Variants in GLIS1 observed in about 807,000 individuals in gnomAD.
GLIS1 encodes the protein GLIS family zinc finger 1.
GLIS1 carries 24 observed loss-of-function variants against 63.8 expected under a neutral mutation model. That is an observed-to-expected ratio of 0.38 (90% confidence interval 0.27 to 0.53). The LOEUF is 0.53. Among genes scored for constraint, GLIS1 ranks in the 20% least tolerant of loss-of-function variants. The pLI is 0.85. For synonymous variants in GLIS1, 450 were observed against 482.5 expected, an observed-to-expected ratio of 0.93 and a Z score of 0.88; for missense variants, 1,036 against 1,074.1, an observed-to-expected ratio of 0.96 and a Z score of 0.50.
intron 4 of GLIS1, among the ~76,000 whole-genome samples, chr1:53,554,614 G>C (rs1344952152): frequency 3.9e-5 from 6 of 152,130 alleles, no homozygotes; most frequent in Admixed American, 3.9e-4. Context: ...ACTCAGGTTG[G>C]AGCCCTGAGT....
intron 2 of GLIS1, among the ~76,000 whole-genome samples, chr1:53,608,900 C>G (rs760417931): frequency 6.6e-6 from 1 of 152,178 alleles, no homozygotes; most frequent in African/African-American, 2.4e-5. Flanking sequence ...ACTCTGCCCC[C>G]CTGCATGTGA....
chr1:53,593,161 T>A (rs1227435359), intron 4 of GLIS1, among the ~76,000 whole-genome samples: 1 of 152,254 alleles, frequency 6.6e-6, no homozygotes, highest in African/African-American at 2.4e-5. Flanking sequence ...GCTGCTGTCC[T>A]GATGGCTGGG....
chr1:53,507,186 C>G, intron 10 of GLIS1, among the ~76,000 whole-genome samples: 1 of 152,202 alleles, frequency 6.6e-6, no homozygotes, highest in East Asian at 1.9e-4. Context: ...ATCCCCCAAC[C>G]AGACTCAAGA....
intron 4 of GLIS1, among the ~76,000 whole-genome samples, chr1:53,570,334 C>G (rs1644972924): frequency 2.6e-5 from 4 of 151,842 alleles, no homozygotes; most frequent in Admixed American, 2.6e-4. Flanking sequence ...GTTGCCCAGA[C>G]TGGTCTCAAA....
intron 2 of GLIS1, among the ~76,000 whole-genome samples, chr1:53,655,006 A>C (rs759285213): frequency 3.9e-5 from 6 of 152,204 alleles, no homozygotes; most frequent in Admixed American, 1.3e-4. Flanking sequence ...AACAGAAAGG[A>C]AATGCTGATG....
chr1:53,536,515 G>A (rs772874614), intron 4 of GLIS1, among the ~76,000 whole-genome samples: 7 of 152,082 alleles, frequency 4.6e-5, no homozygotes, highest in Non-Finnish European at 8.8e-5. Context: ...TCCCCGCTGA[G>A]GAAGCTACTT....
rs977029703 is a variant in GLIS1, at chr1:53,574,621, C to T, written c.1320+19487G>A. On this transcript the variant is annotated intron_variant, in intron 4 of 10. Transcript: ENST00000628545. The surrounding 1 kb of genome is among the most constrained non-coding windows in gnomAD (Gnocchi z 4.2). ...GGGACTAGTTTTGGGGAAGAAGTTTCTCACCCTTTCTCTGCCTGGAGAGGC... is the reference window on the plus strand; with the variant it reads ...GGGACTAGTTTTGGGGAAGAAGTTTTTCACCCTTTCTCTGCCTGGAGAGGC... Among the ~76,000 whole-genome samples the T allele has an allele frequency of 1.3e-5, 2 of 152,228 alleles. No individual in the cohort carries two copies. The highest frequency in any genetic ancestry group is 2.9e-5 in the Non-Finnish European group (2 of 68,036).
In GLIS1 at chr1:53,526,871, C is replaced by G. The variant is rs1336971736; in HGVS notation, c.1483-1984G>C. Among the ~76,000 whole-genome samples, 7 of 152,264 alleles carry G rather than the reference C, an allele frequency of 4.6e-5. No individual in the cohort carries two copies. The highest frequency in any genetic ancestry group is 1.7e-4 in the African/African-American group (7 of 41,472). On this transcript the variant is annotated intron_variant, in intron 5 of 10. Transcript: ENST00000628545. The surrounding 1 kb of genome is among the most constrained non-coding windows in gnomAD (Gnocchi z 4.4). ...AGCCTGTGGGAAACCCTGTGGCCGT[C>G]CCCAGCCAGCAGCCAAGCTCCGCCT...
chr1:53,554,543 T>C (rs778289459), intron 4 of GLIS1, among the ~76,000 whole-genome samples: 3 of 152,086 alleles, frequency 2.0e-5, no homozygotes, highest in Non-Finnish European at 2.9e-5. Flanking sequence ...GGAGCCAGGA[T>C]TTGACTCAAG....
At chr1:53,616,757 G>T (rs559185200) in intron 2 of GLIS1, among the ~76,000 whole-genome samples, 1 of 152,112 alleles carries the variant, frequency 6.6e-6, no homozygotes, top group Non-Finnish European at 1.5e-5. Flanking sequence ...CTCCAGGAAC[G>T]GGCACAATCC....
intron 2 of GLIS1, among the ~76,000 whole-genome samples, chr1:53,660,479 T>G (rs1646015009): frequency 6.6e-6 from 1 of 152,156 alleles, no homozygotes. Flanking sequence ...CACTAGTAAG[T>G]GACACAAGAG....
chr1:53,690,669 T>A (rs1487515845), intron 2 of GLIS1, among the ~76,000 whole-genome samples: 1 of 152,168 alleles, frequency 6.6e-6, no homozygotes, highest in Non-Finnish European at 1.5e-5. Context: ...GATTAACCCC[T>A]GTTTTCGGCT....
intron 2 of GLIS1, among the ~76,000 whole-genome samples, chr1:53,702,579 T>C (rs1022949081): frequency 9.2e-5 from 14 of 152,150 alleles, no homozygotes; most frequent in Non-Finnish European, 1.6e-4. Context: ...ATCACTGCTC[T>C]GGGCAGGTCA....
chr1:53,685,701 C>T (rs1425874102), intron 2 of GLIS1, among the ~76,000 whole-genome samples: 2 of 152,180 alleles, frequency 1.3e-5, no homozygotes, highest in African/African-American at 4.8e-5. Context: ...CTTTCACATC[C>T]AGTCAGTTGT....
intron 4 of GLIS1, among the ~76,000 whole-genome samples, chr1:53,536,058 T>C (rs1038421653): frequency 3.3e-5 from 5 of 152,070 alleles, no homozygotes; most frequent in Non-Finnish European, 7.3e-5. Flanking sequence ...ATACCTCAGA[T>C]GTAAGAAGGG....
chr1:53,673,535 C>A (rs543803040), intron 2 of GLIS1, among the ~76,000 whole-genome samples: 2 of 152,362 alleles, frequency 1.3e-5, no homozygotes, highest in East Asian at 3.9e-4. Flanking sequence ...GTGGCCCCTA[C>A]CTATGTACAC....
chr1:53,637,818 C>T (rs373763918), intron 2 of GLIS1, among the ~76,000 whole-genome samples: 1 of 152,268 alleles, frequency 6.6e-6, no homozygotes, highest in East Asian at 1.9e-4. Flanking sequence ...AGAGCTCTCA[C>T]CATGTATCAA....
intron 2 of GLIS1, among the ~76,000 whole-genome samples, chr1:53,614,012 A>T (rs2950263): frequency 0.75 from 114,407 of 152,134 alleles, 43,164 homozygotes; most frequent in Middle Eastern, 0.86. Flanking sequence ...AAAATTCCAT[A>T]TACTAAAAAT....
chr1:53,659,619 T>A (rs1353945637), intron 2 of GLIS1, among the ~76,000 whole-genome samples: 2 of 152,112 alleles, frequency 1.3e-5, no homozygotes, highest in Non-Finnish European at 2.9e-5. Context: ...GCCAATAATG[T>A]TTGTGAGGGG....
Sources: gnomAD v4.1 joint callset for allele counts (sites outside exome capture counted in the v4.1 genomes callset) on GRCh38, gnomAD v4.1.1 for gene constraint, Gnocchi (gnomAD v3.1) non-coding constraint, MANE v1.5 for transcripts, NCBI Gene and HGNC (gene_info 2026-07-23, HGNC 2026-07-21) for gene names.